SASS6: variants seen among roughly 807,000 people sequenced by gnomAD.
SASS6 encodes the protein spindle assembly abnormal protein 6 homolog.
A neutral mutation model predicts 94.9 loss-of-function variants in SASS6; 59 were observed. The observed-to-expected ratio is 0.62, with a 90% CI of 0.50 to 0.77. SASS6 has a LOEUF of 0.77. SASS6 is among the 30% of genes least tolerant of loss of function. SASS6 has a pLI of 0.00. For missense variants in SASS6, 698 were observed against 734.1 expected (o/e 0.95, Z 0.57); for synonymous variants, 264 against 270.0 (o/e 0.98, Z 0.22).
At chr1:100,105,743 C>T (rs1273683586) in intron 13 of SASS6, 24 bp downstream of exon 13, 2 of 1,600,902 alleles carry the variant, frequency 1.2e-6, no homozygotes, top group African/African-American at 2.7e-5. Flanking sequence ...ACTAAGATCA[C>T]TCACATCTTG....
chr1:100,104,215 T>C (rs867654616), intron 13 of SASS6, among the ~76,000 whole-genome samples: 1 of 152,224 alleles, frequency 6.6e-6, no homozygotes, highest in South Asian at 2.1e-4. Context: ...TTATGGGCCA[T>C]ATCTGTGATT....
intron 14 of SASS6, among the ~76,000 whole-genome samples, chr1:100,093,018 G>T (rs1651849022): frequency 6.6e-6 from 1 of 152,012 alleles, no homozygotes; most frequent in African/African-American, 2.4e-5. Flanking sequence ...TGGTGGCAAG[G>T]TATGTATATT....
chr1:100,117,615 T>C (rs1397733703), intron 7 of SASS6, among the ~76,000 whole-genome samples: 1 of 150,680 alleles, frequency 6.6e-6, no homozygotes, highest in Non-Finnish European at 1.5e-5. Context: ...ATAGTGCCAC[T>C]GCACTCCAGT....
intron 14 of SASS6, among the ~76,000 whole-genome samples, chr1:100,100,030 C>T (rs1652361193): frequency 6.6e-6 from 1 of 152,134 alleles, no homozygotes; most frequent in African/African-American, 2.4e-5. Context: ...ACTTGGGAGG[C>T]CGAGGCAGGT....
intron 15 of SASS6, 115 bp from the exon 16 acceptor site, chr1:100,085,745 G>A: frequency 1.6e-6 from 1 of 631,612 alleles, no homozygotes; most frequent in South Asian, 2.2e-5. Context: ...TTATAGCTTA[G>A]CTTTGTTCAG....
intron 1 of SASS6, 139 bp downstream of exon 1, chr1:100,132,611 C>G (rs1020969521): frequency 1.3e-6 from 1 of 763,372 alleles, no homozygotes; most frequent in African/African-American, 1.7e-5. Flanking sequence ...ACCGGGCCCT[C>G]TGGGTTCCCT....
intron 1 of SASS6, among the ~76,000 whole-genome samples, chr1:100,132,477 A>G (rs1655136385): frequency 6.6e-6 from 1 of 152,098 alleles, no homozygotes; most frequent in Non-Finnish European, 1.5e-5. Context: ...GTAGGGCTAT[A>G]ATCTTCACGA....
At chr1:100,120,154 G>C (rs767541201) in intron 6 of SASS6, among the ~76,000 whole-genome samples, 70 of 152,152 alleles carry the variant, frequency 4.6e-4, no homozygotes, top group Non-Finnish European at 7.3e-4. Flanking sequence ...ATTTAATGAA[G>C]ACTCGAGGGA....
At chr1:100,095,013 G>A (rs918669693) in intron 14 of SASS6, among the ~76,000 whole-genome samples, 6 of 148,976 alleles carry the variant, frequency 4.0e-5, no homozygotes, top group African/African-American at 1.3e-4. Flanking sequence ...ACTGATAAAA[G>A]ATAAGCCACA....
Position 100,107,540 on chromosome 1 carries a change from A to G in SASS6, c.1160T>C (p.Ile387Thr). Residue 387 changes from isoleucine (I) to threonine (T), a missense_variant, in exon 11 of 17, where the codon ATC (isoleucine) becomes ACC (threonine). Transcript: ENST00000287482. Reference sequence around the variant, plus strand: ...TTTCAGATCCCCTTGTAACTTCTTGATAATTTCATTTGCCTATAAAAGAGC... The same window carrying G: ...TTTCAGATCCCCTTGTAACTTCTTGGTAATTTCATTTGCCTATAAAAGAGC... ...SAELLKANEI[I>T]KKLQGDLKTL... is the part of the protein sequence containing the mutation. The G allele has an allele frequency of 6.3e-7, 1 of 1,599,130 alleles. No homozygotes were observed. The highest frequency in any genetic ancestry group is 8.5e-7 in the Non-Finnish European group (1 of 1,171,026).
At chr1:100,124,938 G>A (rs143055529) in intron 2 of SASS6, among the ~76,000 whole-genome samples, 1,537 of 152,238 alleles carry the variant, frequency 0.01, 11 homozygotes, top group Middle Eastern at 0.017. Flanking sequence ...TGGATCGTAG[G>A]AGGTTACACT....
At chr1:100,108,038 G>A (rs1196677610) in intron 8 of SASS6, 34 bp from the exon 9 acceptor site, 15 of 1,329,528 alleles carry the variant, frequency 1.1e-5, no homozygotes, top group Admixed American at 2.2e-5. Context: ...TAAGCATTAT[G>A]AAAAAAGGAA....
chr1:100,087,671 T>C (rs1651405925), intron 15 of SASS6, among the ~76,000 whole-genome samples: 1 of 152,168 alleles, frequency 6.6e-6, no homozygotes, highest in Non-Finnish European at 1.5e-5. Context: ...TTTTTACTCA[T>C]TCTCTGTATA....
intron 1 of SASS6, 127 bp downstream of exon 1, chr1:100,132,623 T>A: frequency 1.2e-6 from 1 of 819,854 alleles, no homozygotes; most frequent in Non-Finnish European, 2.1e-6. Flanking sequence ...GGGTTCCCTA[T>A]CCGCTTCCTA....
Position 100,132,840 on chromosome 1 carries a change from G to T in SASS6, c.-26C>A. 1 of 1,609,340 alleles carries T rather than the reference G, an allele frequency of 6.2e-7. No homozygotes were observed. ...GTTGGCTCGCTGCCTCGGCTGGTGT[G>T]CAGAAAAGCCCAACAGGCCCGGCCC... On this transcript the variant is annotated 5_prime_UTR_variant, in exon 1 of 17. Coordinates refer to ENST00000287482, the MANE Select transcript of SASS6 (RefSeq NM_194292.3).
At chr1:100,132,697 C>A in intron 1 of SASS6, 53 bp downstream of exon 1, 1 of 1,412,294 alleles carries the variant, frequency 7.1e-7, no homozygotes, top group Non-Finnish European at 1.0e-6. Context: ...CATCTTTCCC[C>A]ATTGGCCTGA....
At chr1:100,096,049 A>G (rs1294543163) in intron 14 of SASS6, among the ~76,000 whole-genome samples, 1 of 152,222 alleles carries the variant, frequency 6.6e-6, no homozygotes, top group Non-Finnish European at 1.5e-5. Context: ...AGAAATTGAG[A>G]AGGTGACCAT....
intron 6 of SASS6, 123 bp from the exon 7 acceptor site, chr1:100,119,260 T>A: frequency 2.1e-6 from 1 of 479,678 alleles, no homozygotes; most frequent in East Asian, 3.7e-5. Flanking sequence ...TCAGGACATG[T>A]TCAAAGCCTT....
chr1:100,091,630 T>TAAAAAAAAAAAAAAAA (rs57639570), intron 14 of SASS6, among the ~76,000 whole-genome samples: 6 of 83,030 alleles, frequency 7.2e-5, no homozygotes, highest in Admixed American at 1.3e-4. Context: ...AAAGTCTCAT[T>TAAAAAAAAAAAAAAAA]AAAAAAAAAA....
Sources: allele counts gnomAD v4.1 joint callset (sites outside exome capture counted in the v4.1 genomes callset), GRCh38; gene constraint gnomAD v4.1.1; transcripts MANE v1.5; gene names NCBI Gene and HGNC (gene_info 2026-07-23, HGNC 2026-07-21).